AAK1: variants seen among roughly 807,000 people sequenced by gnomAD.
AAK1 encodes the protein AP2-associated protein kinase 1.
AAK1 carries 37 observed loss-of-function variants against 116.0 expected under a neutral mutation model. The ratio of observed to expected loss-of-function variants is 0.32; its 90% CI spans 0.25 to 0.42. The LOEUF (loss-of-function observed/expected upper bound fraction) is 0.42. AAK1 is among the 10% of genes least tolerant of loss of function. The pLI, the probability that AAK1 is intolerant of heterozygous loss-of-function variation, is 1.00. For missense variants in AAK1, 919 were observed against 1,170.6 expected (o/e 0.79, Z 3.14); for synonymous variants, 458 against 439.9 (o/e 1.04, Z -0.51).
At chr2:69,525,519 G>A (rs994005714) in intron 9 of AAK1, among the ~76,000 whole-genome samples, 1 of 152,144 alleles carries the variant, frequency 6.6e-6, no homozygotes, top group Non-Finnish European at 1.5e-5. Context: ...ACAGATCTTC[G>A]TTCGAGCTTA....
chr2:69,548,709 A>G (rs1311116470), intron 3 of AAK1, among the ~76,000 whole-genome samples: 2 of 151,784 alleles, frequency 1.3e-5, no homozygotes, highest in Non-Finnish European at 2.9e-5. Flanking sequence ...GGTTCAAGTG[A>G]TTCTCCTGCC....
intron 2 of AAK1, among the ~76,000 whole-genome samples, chr2:69,627,389 A>G (rs970988808): frequency 1.3e-5 from 2 of 152,142 alleles, no homozygotes; most frequent in Non-Finnish European, 2.9e-5. Context: ...CTGCTGATAC[A>G]TGCTACACGG....
chr2:69,537,991 T>C (rs567923713), intron 5 of AAK1, among the ~76,000 whole-genome samples: 7 of 152,344 alleles, frequency 4.6e-5, no homozygotes, highest in South Asian at 2.1e-4. Flanking sequence ...ATCTTCAATA[T>C]TGATGAAAAC....
In AAK1 at chr2:69,466,684, A is replaced by C. The variant is rs533915783; in HGVS notation, c.*9185T>G. 7 of 1,097,372 alleles carry C rather than the reference A, an allele frequency of 6.4e-6. No homozygotes were observed. In the South Asian group the frequency reaches 1.2e-4, roughly 18 times the overall value. The allele number at this position is 1,097,372 out of a possible 1,614,324, so 68.0% of individuals were successfully genotyped here. ...TTGAAAATGCAACAGGAAAAACATA[A>C]AAATAAAAGTCAGGCAAGGAAACTG... is the stretch of plus-strand genomic sequence containing the variant. On this transcript the variant is annotated 3_prime_UTR_variant, in exon 22 of 22. Transcript: ENST00000409085.
intron 3 of AAK1, among the ~76,000 whole-genome samples, chr2:69,546,159 A>C (rs1572943590): frequency 6.6e-6 from 1 of 152,074 alleles, no homozygotes; most frequent in Admixed American, 6.6e-5. Context: ...TGCTGGTTTA[A>C]GGCGGAAGAA....
At chr2:69,498,014 TCCACCCCACC>T (rs1303344286) in intron 16 of AAK1, among the ~76,000 whole-genome samples, 2 of 150,010 alleles carry the variant, frequency 1.3e-5, no homozygotes, top group African/African-American at 4.9e-5. Context: ...CTGTTCTCCC[TCCACCCCACC>T]CCACCCCACC....
At chr2:69,596,946 T>C (rs898795068) in intron 2 of AAK1, among the ~76,000 whole-genome samples, 17 of 152,080 alleles carry the variant, frequency 1.1e-4, no homozygotes, top group African/African-American at 4.1e-4. Context: ...GCGAGGGTGT[T>C]ACCAGTGCCT....
intron 14 of AAK1, among the ~76,000 whole-genome samples, chr2:69,508,974 C>T (rs565893357): frequency 6.6e-6 from 1 of 152,234 alleles, no homozygotes; most frequent in South Asian, 2.1e-4. Context: ...AACAGTGGGC[C>T]AAGTAGGAAA....
intron 2 of AAK1, among the ~76,000 whole-genome samples, chr2:69,600,839 A>G (rs969861670): frequency 2.6e-5 from 4 of 152,050 alleles, no homozygotes; most frequent in African/African-American, 9.7e-5. Context: ...GATGTGGAAA[A>G]CTTCATTGTT....
At chr2:69,559,810 A>G (rs1467496046) in intron 2 of AAK1, among the ~76,000 whole-genome samples, 3 of 152,248 alleles carry the variant, frequency 2.0e-5, no homozygotes, top group South Asian at 2.1e-4. Flanking sequence ...CTACAGTTCA[A>G]TGATGCCTGT....
intron 2 of AAK1, 140 bp from the exon 3 acceptor site, chr2:69,557,118 T>C: frequency 1.5e-6 from 1 of 645,598 alleles, no homozygotes; most frequent in Non-Finnish European, 2.8e-6. Flanking sequence ...TAGCCTGTTG[T>C]AGAACACATT....
Position 69,469,488 on chromosome 2 carries a change from CG to C in AAK1, c.*6380del. On this transcript the variant is annotated 3_prime_UTR_variant, in exon 22 of 22. Coordinates refer to ENST00000409085, the MANE Select transcript of AAK1 (RefSeq NM_014911.5). The stretch of plus-strand genomic sequence containing the variant: ...AGGTAGCATTGTGTCAACAAGAAAA[CG>C]TGTTTGAAGCAGTCTCTTTACTAGC... 1 of 985,370 alleles carries C rather than the reference CG, an allele frequency of 1.0e-6. No homozygotes were observed. Among genetic ancestry groups the C allele is most frequent in the Middle Eastern group, 5.2e-4 (1 of 1,912 alleles). The allele number at this position is 985,370 out of a possible 1,614,324, so 61.0% of individuals were successfully genotyped here. A position where few individuals can be genotyped will look rare whatever the true frequency, so the allele number is the denominator to read the frequency against.
At chr2:69,551,899 A>G (rs1341923317) in intron 3 of AAK1, among the ~76,000 whole-genome samples, 1 of 152,236 alleles carries the variant, frequency 6.6e-6, no homozygotes, top group Non-Finnish European at 1.5e-5. Context: ...AACCGCTAAC[A>G]GTTCTCTTTG....
Position 69,472,214 on chromosome 2 carries a change from T to C in AAK1, c.*3655A>G, listed in dbSNP as rs1674703817. On this transcript the variant is annotated 3_prime_UTR_variant, in exon 22 of 22. Transcript: ENST00000409085. ...ATTTTTTGTGGATTATCCTTTTTAC[T>C]GTCTTCAACAGTAACCACTCTTCAT... 3.1e-6 allele frequency: 3 copies of C among 958,600 alleles called. No homozygotes were observed. Among genetic ancestry groups the C allele is most frequent in the Admixed American group, 1.2e-4 (2 of 16,264 alleles). The allele number at this position is 958,600 out of a possible 1,614,324, so 59.4% of individuals were successfully genotyped here. A position where few individuals can be genotyped will look rare whatever the true frequency, so the allele number is the denominator to read the frequency against.
intron 2 of AAK1, among the ~76,000 whole-genome samples, chr2:69,579,171 T>C (rs1027151357): frequency 1.3e-5 from 2 of 152,190 alleles, no homozygotes; most frequent in African/African-American, 4.8e-5. Flanking sequence ...TCTTATGAAG[T>C]AGATTCTGCC....
chr2:69,611,354 G>A (rs1674071701), intron 2 of AAK1, among the ~76,000 whole-genome samples: 1 of 152,180 alleles, frequency 6.6e-6, no homozygotes, highest in East Asian at 1.9e-4. Flanking sequence ...TGGACTTTGG[G>A]ACTCGGACCA....
intron 2 of AAK1, among the ~76,000 whole-genome samples, chr2:69,623,791 A>G (rs990533332): frequency 1.3e-5 from 2 of 152,250 alleles, no homozygotes; most frequent in African/African-American, 4.8e-5. Flanking sequence ...AAAATCATAA[A>G]GGAAAAGACT....
At chr2:69,516,119 A>G (rs1676568704) in intron 12 of AAK1, among the ~76,000 whole-genome samples, 1 of 152,228 alleles carries the variant, frequency 6.6e-6, no homozygotes. Context: ...TAAAAATCAA[A>G]AGCAAAACAA....
In AAK1 at chr2:69,509,429, A is replaced by G. The variant is rs56038532; in HGVS notation, c.1808T>C (p.Val603Ala). 55,033 of 1,613,758 alleles carry G rather than the reference A, an allele frequency of 0.034. 1,152 individuals carry two copies. The highest frequency in any genetic ancestry group is 0.041 in the Non-Finnish European group (48,684 of 1,179,786). Residue 603 changes from valine to alanine, a missense_variant, in exon 14 of 22, where the codon GTT (valine) becomes GCT (alanine). This residue lies in a region of AAK1 where 125 missense variants were observed against 184.1 expected (regional missense o/e 0.68). Coordinates refer to ENST00000409085, the MANE Select transcript of AAK1 (RefSeq NM_014911.5). ...IQAPVRQQPK[V>A]QTTPPPAVQG... The stretch of plus-strand genomic sequence containing the variant: ...GACGGCAGGAGGTGGGGTTGTCTGA[A>G]CCTTTGGCTGTTGTCTTACTGGGGC...
Sources: gnomAD v4.1 joint callset for allele counts (sites outside exome capture counted in the v4.1 genomes callset) on GRCh38, gnomAD v4.1.1 for gene constraint, gnomAD v4.1.1 regional missense constraint, MANE v1.5 for transcripts, NCBI Gene and HGNC (gene_info 2026-07-23, HGNC 2026-07-21) for gene names.